The following NDRG1 variants were observed in gnomAD, a reference collection of about 807,000 sequenced individuals.
NDRG1 encodes N-myc downstream regulated 1.
A neutral mutation model predicts 56.9 loss-of-function variants in NDRG1; 32 were observed. That is an observed-to-expected ratio of 0.56 (90% CI 0.42 to 0.76). The LOEUF (loss-of-function observed/expected upper bound fraction) is 0.76. Ranked by LOEUF, NDRG1 falls within the 30% of genes least tolerant of loss-of-function variation. The pLI is 0.00. For synonymous variants in NDRG1, 211 were observed against 204.1 expected (o/e 1.03, Z -0.29); for missense variants, 507 against 545.7 (o/e 0.93, Z 0.71).
intron 3 of NDRG1, among the ~76,000 whole-genome samples, chr8:133,267,470 T>C (rs1856978552): frequency 6.6e-6 from 1 of 152,018 alleles, no homozygotes; most frequent in Non-Finnish European, 1.5e-5. Flanking sequence ...CTCAGCCCCA[T>C]CTCCCTTCTC....
intron 5 of NDRG1, among the ~76,000 whole-genome samples, chr8:133,260,924 G>A (rs1856629699): frequency 1.3e-5 from 2 of 152,060 alleles, no homozygotes; most frequent in South Asian, 2.1e-4. Flanking sequence ...GCTGATTGGG[G>A]GATCCAACAA....
In NDRG1 at chr8:133,247,921, G is replaced by A. The variant is rs774230641; in HGVS notation, c.761C>T (p.Pro254Leu). ...PGTHTVTLQC[P>L]ALLVVGDSSP... ...GCTGTCCCCAACCACCAACAGAGCA[G>A]GGCACCTGGGGTCAGGGATAGAGCA... The change falls in exon 12 of 16, where the codon CCT becomes CTT. Residue 254 changes from proline (P) to leucine (L), a missense_variant. Coordinates refer to ENST00000323851, the MANE Select transcript of NDRG1 (RefSeq NM_006096.4). 21 of 1,614,068 alleles carry A rather than the reference G, an allele frequency of 1.3e-5. No homozygotes were observed. The highest frequency in any genetic ancestry group is 1.4e-5 in the Non-Finnish European group (17 of 1,180,004).
chr8:133,262,129 T>C lies in NDRG1; in HGVS notation c.244A>G (p.Met82Val). ...GCAAAGTGCTGGGTGATCTCCTGCA[T>C]GTCCTCGTAGTTGAAGAGGGGGTTG... is the stretch of plus-strand genomic sequence containing the variant. ...CYNPLFNYED[M>V]QEITQHFAVC... Residue 82 changes from methionine to valine, a missense_variant, in exon 5 of 16, where the codon ATG becomes GTG. Coordinates refer to ENST00000323851, the MANE Select transcript of NDRG1 (RefSeq NM_006096.4). 1 of 1,613,912 alleles carries C rather than the reference T, an allele frequency of 6.2e-7. No individual in the cohort carries two copies. The highest frequency in any genetic ancestry group is 8.5e-7 in the Non-Finnish European group (1 of 1,180,016).
At chr8:133,257,282 T>TAC (rs58312135) in intron 7 of NDRG1, among the ~76,000 whole-genome samples, 20,558 of 146,620 alleles carry the variant, frequency 0.14, 1,482 homozygotes, top group African/African-American at 0.16. Flanking sequence ...AACACATGCA[T>TAC]ACACACACAC....
At chr8:133,279,870 T>A (rs1380717646) in intron 3 of NDRG1, among the ~76,000 whole-genome samples, 2 of 152,174 alleles carry the variant, frequency 1.3e-5, no homozygotes, top group Non-Finnish European at 2.9e-5. Flanking sequence ...GTTTCCCAAG[T>A]GGAGCCAAGA....
intron 4 of NDRG1, 171 bp from the exon 5 acceptor site, chr8:133,262,338 C>T: frequency 1.4e-6 from 1 of 728,292 alleles, no homozygotes; most frequent in Non-Finnish European, 2.3e-6. Flanking sequence ...TCCCCATGCC[C>T]ACTTTCCTCT....
intron 1 of NDRG1, among the ~76,000 whole-genome samples, chr8:133,287,251 C>T (rs1489127591): frequency 6.6e-6 from 1 of 152,188 alleles, no homozygotes. Context: ...CCCCACTCCA[C>T]CCCAGGACTT....
chr8:133,278,884 C>T (rs867504784), intron 3 of NDRG1, among the ~76,000 whole-genome samples: 9 of 137,238 alleles, frequency 6.6e-5, no homozygotes, highest in African/African-American at 2.7e-4. Flanking sequence ...TGTCTCTCTT[C>T]TTCTTTTTTT....
chr8:133,246,885 C>A (rs1855715006), intron 12 of NDRG1, among the ~76,000 whole-genome samples: 1 of 152,128 alleles, frequency 6.6e-6, no homozygotes, highest in Non-Finnish European at 1.5e-5. Context: ...CTTCTTTGGG[C>A]CTCAGTTTCC....
At chr8:133,267,985 T>C (rs1293508576) in intron 3 of NDRG1, among the ~76,000 whole-genome samples, 1 of 151,922 alleles carries the variant, frequency 6.6e-6, no homozygotes, top group Non-Finnish European at 1.5e-5. Flanking sequence ...GCCCCCGGAG[T>C]TGCGAGTGGG....
intron 1 of NDRG1, among the ~76,000 whole-genome samples, chr8:133,293,664 C>G (rs879537294): frequency 1.3e-5 from 2 of 152,218 alleles, no homozygotes; most frequent in Non-Finnish European, 2.9e-5. Flanking sequence ...ACTACACCTT[C>G]CTTCTTCTCT....
intron 1 of NDRG1, among the ~76,000 whole-genome samples, chr8:133,293,314 A>G (rs1858531646): frequency 6.6e-6 from 1 of 152,240 alleles, no homozygotes; most frequent in Non-Finnish European, 1.5e-5. Flanking sequence ...CAAGGGAGGC[A>G]GGAACAACAG....
rs751360652 is a variant in NDRG1 at position 133,242,078 on chromosome 8, C to A, written c.892-4G>T. On this transcript the variant is annotated splice_region_variant and splice_polypyrimidine_tract_variant and intron_variant, in intron 14 of 15. Coordinates refer to ENST00000323851, the MANE Select transcript of NDRG1 (RefSeq NM_006096.4). ...AGGCCTCAGCGAGCTTGGCCGGCTGCGAGAGACAAGGAGAGAAAATGCAGT... is the reference window on the plus strand; with the variant it reads ...AGGCCTCAGCGAGCTTGGCCGGCTGAGAGAGACAAGGAGAGAAAATGCAGT... 1.2e-6 allele frequency: 2 copies of A among 1,614,150 alleles called. No individual in the cohort carries two copies. Among genetic ancestry groups the A allele is most frequent in the Middle Eastern group, 1.6e-4 (1 of 6,062 alleles).
intron 3 of NDRG1, 66 bp downstream of exon 3, chr8:133,280,166 G>C: frequency 6.3e-7 from 1 of 1,582,486 alleles, no homozygotes; most frequent in South Asian, 1.1e-5. Flanking sequence ...TTAAACCAAT[G>C]GAAAGAAAAA....
At chr8:133,253,418 T>G (rs1468133881) in intron 9 of NDRG1, among the ~76,000 whole-genome samples, 2 of 152,218 alleles carry the variant, frequency 1.3e-5, no homozygotes, top group Non-Finnish European at 2.9e-5. Flanking sequence ...ACTCAACCTC[T>G]CTGGTCTGTT....
intron 1 of NDRG1, chr8:133,288,136 TG>T (rs1202029023): frequency 6.6e-6 from 1 of 152,384 alleles, no homozygotes; most frequent in African/African-American, 2.4e-5. Context: ...CTCACTTTCA[TG>T]GACTCTCACA....
rs1855155362 is a variant in NDRG1 at position 133,238,023 on chromosome 8, T to C, written c.*855A>G. 4.3e-6 allele frequency: 1 copy of C among 232,900 alleles called. No individual in the cohort carries two copies. The highest frequency in any genetic ancestry group is 2.2e-5 in the African/African-American group (1 of 45,276). The allele number at this position is 232,900 out of a possible 1,614,324, so 14.4% of individuals were successfully genotyped here. A position where few individuals can be genotyped will look rare whatever the true frequency, so the allele number is the denominator to read the frequency against. On this transcript the variant is annotated 3_prime_UTR_variant, in exon 16 of 16. Transcript: ENST00000323851. ...TCCATTCTAAGGAATGCAAAACAAATCTAAATGATCTTCTCCCTGAACAAG... is the reference window on the plus strand; with the variant it reads ...TCCATTCTAAGGAATGCAAAACAAACCTAAATGATCTTCTCCCTGAACAAG...
intron 1 of NDRG1, among the ~76,000 whole-genome samples, chr8:133,291,888 T>G (rs1858449743): frequency 6.6e-6 from 1 of 152,222 alleles, no homozygotes; most frequent in Non-Finnish European, 1.5e-5. Flanking sequence ...GAAACTGAAC[T>G]GCTGTGTGTT....
At position 133,296,592 on chromosome 8, in the gene NDRG1, G is replaced by C. The variant is rs1289209909; in HGVS notation, c.-19+542C>G. 4 of 455,080 alleles carry C rather than the reference G, an allele frequency of 8.8e-6. No homozygotes were observed. In the Admixed American group the frequency reaches 9.4e-5, roughly 11 times the overall value. 28.2% of individuals were successfully genotyped at this position (455,080 alleles called of 1,614,324 possible). On this transcript the variant is annotated intron_variant, in intron 1 of 15. Transcript: ENST00000323851. ...CGTTCCCGACCCAGTCTGCAAGCCA[G>C]ACACACCCACGCCCCCCTCTCCAGC... is the stretch of plus-strand genomic sequence containing the variant.
Sources: gnomAD v4.1 joint callset for allele counts (sites outside exome capture counted in the v4.1 genomes callset) on GRCh38, gnomAD v4.1.1 for gene constraint, MANE v1.5 for transcripts, NCBI Gene and HGNC (gene_info 2026-07-23, HGNC 2026-07-21) for gene names.